Variants in FBXO42 observed in about 807,000 individuals in gnomAD.
FBXO42 encodes the protein F-box protein 42.
In FBXO42, 12 loss-of-function variants were observed where a neutral mutation model predicts 71.7. The ratio of observed to expected loss-of-function variants is 0.17; its 90% CI spans 0.11 to 0.27. FBXO42 has a LOEUF of 0.27. FBXO42 is among the 10% of genes least tolerant of loss of function. The pLI is 1.00. For synonymous variants in FBXO42, 325 were observed against 327.5 expected (o/e 0.99, Z 0.08); for missense variants, 707 against 911.9 (o/e 0.78, Z 2.89).
intron 4 of FBXO42, among the ~76,000 whole-genome samples, chr1:16,263,325 G>A (rs1414654828): frequency 6.6e-6 from 1 of 151,992 alleles, no homozygotes; most frequent in African/African-American, 2.4e-5. Flanking sequence ...CAGGTGCCTT[G>A]TAGTCCCAGC....
intron 1 of FBXO42, among the ~76,000 whole-genome samples, chr1:16,342,632 CCT>C (rs1255590072): frequency 6.6e-6 from 1 of 151,828 alleles, no homozygotes; most frequent in African/African-American, 2.4e-5. Flanking sequence ...CTTTTGTTCC[CCT>C]GACCCTTAAT....
chr1:16,340,546 T>C (rs1445330726), intron 1 of FBXO42, among the ~76,000 whole-genome samples: 2 of 152,102 alleles, frequency 1.3e-5, no homozygotes, highest in Non-Finnish European at 2.9e-5. Flanking sequence ...CTCAAACTCC[T>C]GACCTCAAGT....
rs147845267 is a variant in FBXO42 at position 16,341,545 on chromosome 1, T to C, written c.-18+10710A>G. 8.3e-3 allele frequency among the ~76,000 whole-genome samples: 1,121 copies of C among 134,374 alleles called. 10 individuals carry two copies. Among genetic ancestry groups the C allele is most frequent in the African/African-American group, 0.029 (1,043 of 35,468 alleles). The allele number at this position is 134,374 out of a possible 152,430, so 88.2% of individuals were successfully genotyped here. ...AACCTGGGAGGTGGGGAGGCAGAGG[T>C]TGCAGTGAGCCAAGATTGCACCCCT... On this transcript the variant is annotated intron_variant, in intron 1 of 9. Coordinates refer to ENST00000375592, the MANE Select transcript of FBXO42 (RefSeq NM_018994.3).
intron 1 of FBXO42, among the ~76,000 whole-genome samples, chr1:16,334,457 A>G (rs940204011): frequency 2.6e-5 from 4 of 151,662 alleles, no homozygotes; most frequent in African/African-American, 4.8e-5. Flanking sequence ...GATTCTACAG[A>G]TAAGACTAAT....
rs1196970506 is a variant in FBXO42 at position 16,250,834 on chromosome 1, C to T, written c.1990G>A (p.Val664Ile). The T allele has an allele frequency of 3.7e-6, 6 of 1,614,210 alleles. No homozygotes were observed. Among genetic ancestry groups the T allele is most frequent in the Admixed American group, 1.7e-5 (1 of 60,018 alleles). The change falls in exon 10 of 10, where the codon GTA (valine) becomes ATA (isoleucine). Residue 664 changes from valine to isoleucine, a missense_variant. Physicochemically the swap from Val to Ile is conservative, Grantham distance 29 (BLOSUM62 3). Around this residue, in one of 5 missense-constraint regions of FBXO42, gnomAD observed 482 missense variants for 587.1 expected, o/e 0.82. Coordinates refer to ENST00000375592, the MANE Select transcript of FBXO42 (RefSeq NM_018994.3). The surrounding 1 kb of genome is among the most constrained non-coding windows in gnomAD (Gnocchi z 4.7). ...CCAACCACAGAACTGCTATTAAATA[C>T]TTTCCATTTGACCCGCCCCTTCTCC... is the stretch of plus-strand genomic sequence containing the variant. ...TKEKGRVKWK[V>I]FNSSSVVGPP...
chr1:16,345,746 G>A (rs1569955127), intron 1 of FBXO42, among the ~76,000 whole-genome samples: 4 of 151,836 alleles, frequency 2.6e-5, no homozygotes, highest in Non-Finnish European at 5.9e-5. Context: ...TACTCGGGAG[G>A]CTGAGGCAGG....
chr1:16,331,780 G>C (rs1241217585), intron 1 of FBXO42, among the ~76,000 whole-genome samples: 1 of 152,052 alleles, frequency 6.6e-6, no homozygotes, highest in Admixed American at 6.6e-5. Flanking sequence ...GCCAGGCGCG[G>C]TGGCTCATGC....
At position 16,252,281 on chromosome 1, in the gene FBXO42, T is replaced by G; in HGVS notation, c.1038+7A>C. ...TCCTCCTGCTAGCCTGTCAGCTCCC[T>G]GCTTACCCGGCAAGCTGGATGGCAC... is the stretch of plus-strand genomic sequence containing the variant. On this transcript the variant is annotated splice_region_variant and intron_variant, in intron 9 of 9. Coordinates refer to ENST00000375592, the MANE Select transcript of FBXO42 (RefSeq NM_018994.3). The surrounding 1 kb of genome is among the most constrained non-coding windows in gnomAD (Gnocchi z 4.4). 1 of 1,608,620 alleles carries G rather than the reference T, an allele frequency of 6.2e-7. No homozygotes were observed. Among genetic ancestry groups the G allele is most frequent in the Non-Finnish European group, 8.5e-7 (1 of 1,174,882 alleles).
rs1348622555 is a variant in FBXO42 at position 16,250,826 on chromosome 1, A to G, written c.1998T>C (p.Asn666=). Residue 666 remains asparagine, a synonymous_variant, in exon 10 of 10, where the codon AAT becomes AAC. Transcript: ENST00000375592. The surrounding 1 kb of genome is among the most constrained non-coding windows in gnomAD (Gnocchi z 4.7). ...CAGGAGGTCCAACCACAGAACTGCT[A>G]TTAAATACTTTCCATTTGACCCGCC... is the stretch of plus-strand genomic sequence containing the variant. ...EKGRVKWKVF[N]SSSVVGPPET... 6.2e-7 allele frequency: 1 copy of G among 1,614,162 alleles called. No individual in the cohort carries two copies. Among genetic ancestry groups the G allele is most frequent in the Non-Finnish European group, 8.5e-7 (1 of 1,180,030 alleles).
chr1:16,311,040 G>T (rs1320205045), intron 2 of FBXO42, among the ~76,000 whole-genome samples: 1 of 145,966 alleles, frequency 6.9e-6, no homozygotes, highest in East Asian at 2.0e-4. Flanking sequence ...TAAAAAATGG[G>T]TCAACGCCGG....
chr1:16,288,489 C>T (rs1228603586), intron 4 of FBXO42, among the ~76,000 whole-genome samples: 1 of 151,274 alleles, frequency 6.6e-6, no homozygotes, highest in Non-Finnish European at 1.5e-5. Flanking sequence ...GTCAAACTCT[C>T]ATAACAATGA....
At chr1:16,281,060 T>C (rs2081958589) in intron 4 of FBXO42, among the ~76,000 whole-genome samples, 1 of 152,162 alleles carries the variant, frequency 6.6e-6, no homozygotes. Flanking sequence ...CCTCCCAGAT[T>C]CAAGCAATTC....
At chr1:16,339,375 T>C (rs1451283660) in intron 1 of FBXO42, among the ~76,000 whole-genome samples, 4 of 152,008 alleles carry the variant, frequency 2.6e-5, no homozygotes, top group Admixed American at 2.0e-4. Context: ...TGCAGTGGCA[T>C]GTTCTTGGCT....
rs559971807 is a variant in FBXO42 at position 16,350,757 on chromosome 1, A to AAAAGAAAGAAAGAAAGAAAGAAAGAAAG, written c.-18+1470_-18+1497dup. 7.3e-3 allele frequency among the ~76,000 whole-genome samples: 322 copies of AAAAGAAAGAAAGAAAGAAAGAAAGAAAG among 44,206 alleles called. 5 individuals carry two copies. Among genetic ancestry groups the AAAAGAAAGAAAGAAAGAAAGAAAGAAAG allele is most frequent in the African/African-American group, 7.8e-3 (92 of 11,746 alleles). 29.0% of individuals were successfully genotyped at this position (44,206 alleles called of 152,430 possible). The stretch of plus-strand genomic sequence containing the variant: ...GTGAGAAACTGCAAAAAAAAAAAAA[A>AAAAGAAAGAAAGAAAGAAAGAAAGAAAG]AAAGAAAGAAAGAAAGAAAGAAAGA... On this transcript the variant is annotated intron_variant, in intron 1 of 9. Coordinates refer to ENST00000375592, the MANE Select transcript of FBXO42 (RefSeq NM_018994.3).
intron 1 of FBXO42, among the ~76,000 whole-genome samples, chr1:16,344,958 G>C (rs1039227055): frequency 2.0e-5 from 3 of 151,566 alleles, no homozygotes; most frequent in Non-Finnish European, 4.4e-5. Flanking sequence ...TATTAGCTGG[G>C]TGTGGTGGTG....
At chr1:16,343,631 C>T (rs766791919) in intron 1 of FBXO42, among the ~76,000 whole-genome samples, 55 of 152,040 alleles carry the variant, frequency 3.6e-4, no homozygotes, top group Non-Finnish European at 7.5e-4. Flanking sequence ...AGACCAGCCT[C>T]GCCAAGATGG....
chr1:16,291,674 G>A (rs1179815270), intron 4 of FBXO42, among the ~76,000 whole-genome samples: 1 of 152,038 alleles, frequency 6.6e-6, no homozygotes, highest in East Asian at 1.9e-4. Flanking sequence ...GAGCCACCAA[G>A]CCCAGGCTAT....
chr1:16,349,252 C>T (rs900076824), intron 1 of FBXO42, among the ~76,000 whole-genome samples: 3 of 152,150 alleles, frequency 2.0e-5, no homozygotes, highest in Admixed American at 1.3e-4. Flanking sequence ...TCCAAGAAGC[C>T]TTCCTTGACT....
intron 1 of FBXO42, among the ~76,000 whole-genome samples, chr1:16,321,467 T>C (rs1163845597): frequency 6.6e-6 from 1 of 152,208 alleles, no homozygotes; most frequent in East Asian, 1.9e-4. Flanking sequence ...ACTCAATGAA[T>C]GTAATTTTCA....
Sources: gnomAD v4.1 joint callset for allele counts (sites outside exome capture counted in the v4.1 genomes callset) on GRCh38, gnomAD v4.1.1 for gene constraint, gnomAD v4.1.1 regional missense constraint, Gnocchi (gnomAD v3.1) non-coding constraint, MANE v1.5 for transcripts, NCBI Gene and HGNC (gene_info 2026-07-23, HGNC 2026-07-21) for gene names.